The following MCUB variants were observed in gnomAD, a reference collection of about 807,000 sequenced individuals.
MCUB encodes the protein mitochondrial calcium uniporter dominant negative subunit beta, also known as calcium uniporter regulatory subunit MCUb, mitochondrial.
Under a neutral mutation model 41.4 loss-of-function variants are expected in MCUB, and 46 were observed. The observed-to-expected ratio is 1.11, with a 90% CI of 0.88 to 1.42. The LOEUF is 1.42. Ranked by LOEUF, MCUB falls within the 40% of genes most tolerant of loss-of-function variation. The pLI is 0.00. For missense variants in MCUB, 403 were observed against 404.9 expected (o/e 1.00, Z 0.04); for synonymous variants, 148 against 148.2 (o/e 1.00, Z 0.01).
At chr4:109,653,018 T>G (rs1728994707) in intron 1 of MCUB, among the ~76,000 whole-genome samples, 1 of 152,160 alleles carries the variant, frequency 6.6e-6, no homozygotes, top group Non-Finnish European at 1.5e-5. Flanking sequence ...AAGCTTTCAT[T>G]TCTCTAGGGT....
intron 1 of MCUB, among the ~76,000 whole-genome samples, chr4:109,602,093 G>A (rs771440854): frequency 2.0e-5 from 3 of 152,080 alleles, no homozygotes; most frequent in East Asian, 1.9e-4. Context: ...AGTTGTTTGA[G>A]TCCTTAATAT....
chr4:109,601,043 T>G (rs868275634), intron 1 of MCUB, among the ~76,000 whole-genome samples: 1 of 152,202 alleles, frequency 6.6e-6, no homozygotes, highest in African/African-American at 2.4e-5. Flanking sequence ...TCCATCTGTC[T>G]TGGCTTCCCA....
At chr4:109,601,017 T>G (rs900683789) in intron 1 of MCUB, among the ~76,000 whole-genome samples, 5 of 152,140 alleles carry the variant, frequency 3.3e-5, no homozygotes, top group African/African-American at 1.2e-4. Context: ...ATGATCTTGA[T>G]CTCTTGACCT....
At chr4:109,588,684 A>G (rs1222337968) in intron 1 of MCUB, among the ~76,000 whole-genome samples, 1 of 152,200 alleles carries the variant, frequency 6.6e-6, no homozygotes, top group African/African-American at 2.4e-5. Flanking sequence ...TCTCTCCTGA[A>G]AAACTGACAT....
At chr4:109,683,191 G>A (rs1399144389) in intron 5 of MCUB, 1 of 152,498 alleles carries the variant, frequency 6.6e-6, no homozygotes, top group African/African-American at 2.4e-5. Context: ...AATCAATGGT[G>A]TGGAAAAAAT....
At chr4:109,618,108 A>G (rs1285607670) in intron 1 of MCUB, among the ~76,000 whole-genome samples, 1 of 152,078 alleles carries the variant, frequency 6.6e-6, no homozygotes, top group Non-Finnish European at 1.5e-5. Flanking sequence ...AGCTATACCC[A>G]GTCTTTCTGT....
At chr4:109,576,995 GCA>G (rs1727045902) in intron 1 of MCUB, among the ~76,000 whole-genome samples, 1 of 152,110 alleles carries the variant, frequency 6.6e-6, no homozygotes, top group African/African-American at 2.4e-5. Context: ...GGGATTACAA[GCA>G]TGTGCCACCA....
chr4:109,623,879 T>A (rs1561231235), intron 1 of MCUB, among the ~76,000 whole-genome samples: 1 of 152,176 alleles, frequency 6.6e-6, no homozygotes, highest in East Asian at 1.9e-4. Flanking sequence ...AGAGACAGTC[T>A]TGTTCTGTCA....
At chr4:109,684,276 A>AT (rs1391018426) in intron 5 of MCUB, among the ~76,000 whole-genome samples, 167 bp from the exon 6 acceptor site, 1 of 151,962 alleles carries the variant, frequency 6.6e-6, no homozygotes, top group Non-Finnish European at 1.5e-5. Context: ...GTTAACCAGG[A>AT]TGGTCTCGAT....
chr4:109,570,307 C>CT (rs1726884778), intron 1 of MCUB, among the ~76,000 whole-genome samples: 1 of 152,106 alleles, frequency 6.6e-6, no homozygotes, highest in African/African-American at 2.4e-5. Flanking sequence ...TCTTTTATAT[C>CT]TTTGGGAATG....
chr4:109,666,552 T>TG (rs34535523), intron 4 of MCUB, among the ~76,000 whole-genome samples: 36,084 of 152,128 alleles, frequency 0.24, 4,507 homozygotes, highest in South Asian at 0.27. Flanking sequence ...TGTATGATGA[T>TG]GAGCATCTCT....
intron 1 of MCUB, among the ~76,000 whole-genome samples, chr4:109,635,668 C>G (rs1728573487): frequency 6.6e-6 from 1 of 152,184 alleles, no homozygotes; most frequent in Non-Finnish European, 1.5e-5. Context: ...GAGCCTCCCT[C>G]CCTCTCTCTC....
intron 1 of MCUB, among the ~76,000 whole-genome samples, chr4:109,652,247 A>G (rs553132465): frequency 3.3e-5 from 5 of 152,230 alleles, no homozygotes; most frequent in Admixed American, 2.0e-4. Context: ...TAAGACTTCA[A>G]TATATGAATT....
intron 1 of MCUB, among the ~76,000 whole-genome samples, chr4:109,588,409 C>T (rs953140012): frequency 2.0e-5 from 3 of 152,064 alleles, no homozygotes; most frequent in Non-Finnish European, 4.4e-5. Flanking sequence ...AGAATGAGCT[C>T]GGTATTTGAG....
intron 4 of MCUB, among the ~76,000 whole-genome samples, chr4:109,679,623 G>A (rs929393376): frequency 3.9e-5 from 6 of 152,186 alleles, no homozygotes; most frequent in East Asian, 1.9e-4. Context: ...CTGGGAGACC[G>A]TAGAGAGGGA....
rs1242451623 is a variant in MCUB, at chr4:109,674,126, A to G, written c.452-8456A>G. 3 of 1,395,234 alleles carry G rather than the reference A, an allele frequency of 2.2e-6. No individual in the cohort carries two copies. In the African/African-American group the frequency reaches 4.3e-5, roughly 20 times the overall value. The allele number at this position is 1,395,234 out of a possible 1,614,324, so 86.4% of individuals were successfully genotyped here. A position where few individuals can be genotyped will look rare whatever the true frequency, so the allele number is the denominator to read the frequency against. On this transcript the variant is annotated intron_variant, in intron 4 of 7. Transcript: ENST00000394650. Reference sequence around the variant, plus strand: ...TTCTGGGCAAAACCTAAGCCTTAGAAGAAGAGATGCTGCCTTGTTGGAGGA... The same window carrying G: ...TTCTGGGCAAAACCTAAGCCTTAGAGGAAGAGATGCTGCCTTGTTGGAGGA...
At chr4:109,627,710 C>T (rs200773681) in intron 1 of MCUB, among the ~76,000 whole-genome samples, 9 of 152,002 alleles carry the variant, frequency 5.9e-5, no homozygotes, top group East Asian at 1.9e-4. Context: ...GTCAGGAATT[C>T]GAGACCAGCC....
chr4:109,597,498 C>A (rs1579057097), intron 1 of MCUB, among the ~76,000 whole-genome samples: 1 of 142,004 alleles, frequency 7.0e-6, no homozygotes, highest in East Asian at 2.2e-4. Context: ...GGCGGCTGGC[C>A]GGGCGGGGGG....
At chr4:109,656,397 A>G (rs1254237246) in intron 1 of MCUB, among the ~76,000 whole-genome samples, 5 of 90,044 alleles carry the variant, frequency 5.6e-5, no homozygotes, top group Non-Finnish European at 8.0e-5. Context: ...TTTTTTGGAG[A>G]CAGGGTTTCC....
Sources: allele counts gnomAD v4.1 joint callset (sites outside exome capture counted in the v4.1 genomes callset), GRCh38; gene constraint gnomAD v4.1.1; transcripts MANE v1.5; gene names NCBI Gene and HGNC (gene_info 2026-07-23, HGNC 2026-07-21).